The following CEP290 variants were observed in gnomAD, a reference collection of about 807,000 sequenced individuals.
CEP290 encodes the protein centrosomal protein 290.
Under a neutral mutation model 344.9 loss-of-function variants are expected in CEP290, and 317 were observed. The observed-to-expected ratio is 0.92, with a 90% CI of 0.84 to 1.01. The LOEUF (loss-of-function observed/expected upper bound fraction) is 1.01. Ranked by LOEUF, CEP290 falls within the 50% of genes least tolerant of loss-of-function variation. The probability of loss-of-function intolerance (pLI) is 0.00; values close to 1 mark genes in which losing one functional copy is unlikely to be tolerated. For missense variants in CEP290, 2,754 were observed against 2,761.4 expected (o/e 1.00, Z 0.06); for synonymous variants, 932 against 895.8 (o/e 1.04, Z -0.72).
chr12:88,068,617 C>T lies in CEP290; in HGVS notation c.6040G>A (p.Val2014Ile), dbSNP rs1288437556. 1.9e-6 allele frequency: 3 copies of T among 1,594,204 alleles called. No individual in the cohort carries two copies. In the Admixed American group the frequency reaches 5.4e-5, roughly 28 times the overall value. The stretch of plus-strand genomic sequence containing the variant: ...TTTTGTAAATGTAAATCTTCTACAA[C>T]AGAATCTCGAGGAAGAGCTTGGTGG... Reference protein sequence around the residue: ...RAHQALPRDSVVEDLHLQNRY... With the variant: ...RAHQALPRDSIVEDLHLQNRY... The change falls in exon 44 of 54, where the codon GTT becomes ATT. Residue 2014 changes from valine to isoleucine, a missense_variant. Coordinates refer to ENST00000552810, the MANE Select transcript of CEP290 (RefSeq NM_025114.4).
chr12:88,105,886 A>G (rs1196858566), intron 25 of CEP290, among the ~76,000 whole-genome samples: 1 of 152,062 alleles, frequency 6.6e-6, no homozygotes, highest in Non-Finnish European at 1.5e-5. Context: ...TGGGATTACA[A>G]GCATGTGCCA....
At chr12:88,113,203 T>G (rs1446288876) in intron 20 of CEP290, among the ~76,000 whole-genome samples, 1 of 152,160 alleles carries the variant, frequency 6.6e-6, no homozygotes, top group Admixed American at 6.5e-5. Context: ...TTTCTTGGGC[T>G]ATTCACTGTG....
Sources: gnomAD v4.1 joint callset for allele counts (sites outside exome capture counted in the v4.1 genomes callset) on GRCh38, gnomAD v4.1.1 for gene constraint, MANE v1.5 for transcripts, NCBI Gene and HGNC (gene_info 2026-07-23, HGNC 2026-07-21) for gene names.